The following AGAP1 variants were observed in gnomAD, a reference collection of about 807,000 sequenced individuals.
AGAP1 encodes the protein ArfGAP with GTPase domain, ankyrin repeat and PH domain 1, also known as arf-GAP with GTPase, ANK repeat and PH domain-containing protein 1.
In AGAP1, 29 loss-of-function variants were observed where a neutral mutation model predicts 105.3. That is an observed-to-expected ratio of 0.28 (90% CI 0.21 to 0.38). The LOEUF is 0.38. Ranked by LOEUF, AGAP1 falls within the 10% of genes least tolerant of loss-of-function variation. The probability of loss-of-function intolerance (pLI) is 1.00; values close to 1 mark genes in which losing one functional copy is unlikely to be tolerated. For missense variants in AGAP1, 998 were observed against 1,165.1 expected (o/e 0.86, Z 2.09); for synonymous variants, 509 against 485.9 (o/e 1.05, Z -0.63).
At chr2:235,898,020 C>A (rs1164893065) in intron 10 of AGAP1, among the ~76,000 whole-genome samples, 1 of 152,116 alleles carries the variant, frequency 6.6e-6, no homozygotes, top group African/African-American at 2.4e-5. Context: ...AGCTGCAGCC[C>A]CCTCGATGGC....
intron 16 of AGAP1, among the ~76,000 whole-genome samples, chr2:236,054,543 C>T (rs1269779892): frequency 2.6e-5 from 4 of 151,630 alleles, no homozygotes; most frequent in African/African-American, 9.7e-5. Context: ...AGGACTTTGC[C>T]GCGATGACCA....
At chr2:236,100,440 C>T (rs1446209083) in intron 16 of AGAP1, among the ~76,000 whole-genome samples, 1 of 152,154 alleles carries the variant, frequency 6.6e-6, no homozygotes, top group African/African-American at 2.4e-5. Flanking sequence ...TCATTCTCAT[C>T]AGCTTCCCAG....
rs578090584 is a variant in AGAP1 at position 235,867,922 on chromosome 2, G to A, written c.1051-15423G>A. 6.6e-5 allele frequency among the ~76,000 whole-genome samples: 10 copies of A among 152,166 alleles called. No individual in the cohort carries two copies. Among genetic ancestry groups the A allele is most frequent in the African/African-American group, 2.4e-4 (10 of 41,510 alleles). ...CTCTAGTTTTATTGAGGTCAGTTTG[G>A]TTCCTGTCAGCCACAGTTTTAATAC... On this transcript the variant is annotated intron_variant, in intron 9 of 17. Transcript: ENST00000304032. This position sits in a 1 kb window ranked among gnomAD's most constrained non-coding sequence, Gnocchi z 5.4.
Position 236,130,335 on chromosome 2 carries a change from C to T in AGAP1, c.*6213C>T, listed in dbSNP as rs1052485890. On this transcript the variant is annotated 3_prime_UTR_variant, in exon 18 of 18. Transcript: ENST00000304032. The surrounding 1 kb of genome is among the most constrained non-coding windows in gnomAD (Gnocchi z 5.8). ...GATAGAGACTCCTTGTCGAAGTCCA[C>T]ATCGGACTGATCTAGAATGCCCCGT... is the stretch of plus-strand genomic sequence containing the variant. 2.6e-5 allele frequency: 4 copies of T among 151,938 alleles called. No individual in the cohort carries two copies. The highest frequency in any genetic ancestry group is 5.9e-5 in the Non-Finnish European group (4 of 67,996). The allele number at this position is 151,938 out of a possible 1,614,324, so 9.4% of individuals were successfully genotyped here. A position where few individuals can be genotyped will look rare whatever the true frequency, so the allele number is the denominator to read the frequency against.
In AGAP1 at chr2:235,559,994, A is replaced by G. The variant is rs1451492401; in HGVS notation, c.163+65145A>G. ...TACTAAAGCTTTTAATTTTAATGAA[A>G]TCTAATTTACCTGTTTTTTCTTTGA... On this transcript the variant is annotated intron_variant, in intron 1 of 17. Transcript: ENST00000304032. The surrounding 1 kb of genome is among the most constrained non-coding windows in gnomAD (Gnocchi z 5.7). 1.3e-5 allele frequency among the ~76,000 whole-genome samples: 2 copies of G among 152,076 alleles called. No individual in the cohort carries two copies. Among genetic ancestry groups the G allele is most frequent in the Admixed American group, 6.5e-5 (1 of 15,270 alleles).
In AGAP1 at chr2:235,953,115, A is replaced by G. The variant is rs2053809446; in HGVS notation, c.1484-15347A>G. Among the ~76,000 whole-genome samples the G allele has an allele frequency of 6.6e-6, 1 of 152,220 alleles. No homozygotes were observed. The highest frequency in any genetic ancestry group is 2.4e-5 in the African/African-American group (1 of 41,472). ...CTCCAATAAAGGCTTGGGAGTCGCA[A>G]GGATCCCTTTTCATAATGAAACTTC... On this transcript the variant is annotated intron_variant, in intron 12 of 17. Transcript: ENST00000304032. The surrounding 1 kb of genome is among the most constrained non-coding windows in gnomAD (Gnocchi z 5.2).
Position 235,919,979 on chromosome 2 carries a change from G to C in AGAP1, c.1325-10786G>C, listed in dbSNP as rs1249164300. ...TGGAGCAGCACGTGTTCCTTCAGCA[G>C]ATAAAAATGGCAAAATGAGAATGGC... On this transcript the variant is annotated intron_variant, in intron 11 of 17. Coordinates refer to ENST00000304032, the MANE Select transcript of AGAP1 (RefSeq NM_001037131.3). This position sits in a 1 kb window ranked among gnomAD's most constrained non-coding sequence, Gnocchi z 4.1. Among the ~76,000 whole-genome samples the C allele has an allele frequency of 2.0e-5, 3 of 152,186 alleles. No homozygotes were observed. The highest frequency in any genetic ancestry group is 7.2e-5 in the African/African-American group (3 of 41,442).
intron 9 of AGAP1, among the ~76,000 whole-genome samples, chr2:235,807,572 G>A (rs1957902067): frequency 6.6e-6 from 1 of 152,366 alleles, no homozygotes; most frequent in Middle Eastern, 3.4e-3. Context: ...TGCATATGGA[G>A]TGCGTTTCCA....
chr2:236,071,726 T>G (rs1188989381), intron 16 of AGAP1, among the ~76,000 whole-genome samples: 1 of 152,126 alleles, frequency 6.6e-6, no homozygotes, highest in Non-Finnish European at 1.5e-5. Context: ...ATAACAGAAA[T>G]GAAGAAGGAA....
intron 13 of AGAP1, among the ~76,000 whole-genome samples, chr2:235,995,672 A>C (rs1475215378): frequency 6.6e-6 from 1 of 152,190 alleles, no homozygotes; most frequent in Non-Finnish European, 1.5e-5. Flanking sequence ...CGATTCTGCC[A>C]TCAAGAAAGC....
rs2054187587 is a variant in AGAP1 at position 235,961,587 on chromosome 2, T to C, written c.1484-6875T>C. Among the ~76,000 whole-genome samples, 2 of 151,974 alleles carry C rather than the reference T, an allele frequency of 1.3e-5. No homozygotes were observed. Among genetic ancestry groups the C allele is most frequent in the Non-Finnish European group, 2.9e-5 (2 of 67,992 alleles). On this transcript the variant is annotated intron_variant, in intron 12 of 17. Coordinates refer to ENST00000304032, the MANE Select transcript of AGAP1 (RefSeq NM_001037131.3). This position sits in a 1 kb window ranked among gnomAD's most constrained non-coding sequence, Gnocchi z 5.9. ...GAGTCAAATGTCCAGGGTGGAGGTG[T>C]GCGGCCAAGGGAGAGTTGTGTTAAA...
intron 2 of AGAP1, among the ~76,000 whole-genome samples, chr2:235,709,473 CAT>C (rs1420221060): frequency 1.3e-5 from 2 of 152,146 alleles, no homozygotes; most frequent in Non-Finnish European, 2.9e-5. Context: ...GGCGGTGTCT[CAT>C]GTGCAGGGCA....
At position 235,633,815 on chromosome 2, in the gene AGAP1, A is replaced by G. The variant is rs1199793741; in HGVS notation, c.164-75364A>G. Among the ~76,000 whole-genome samples, 13 of 152,128 alleles carry G rather than the reference A, an allele frequency of 8.5e-5. No individual in the cohort carries two copies. Among genetic ancestry groups the G allele is most frequent in the Non-Finnish European group, 1.3e-4 (9 of 68,014 alleles). ...TAGGCTTATGGCTAGCTTTGGGGAA[A>G]AGGGGTTTTGGTTTCTATGACCTGT... On this transcript the variant is annotated intron_variant, in intron 1 of 17. Coordinates refer to ENST00000304032, the MANE Select transcript of AGAP1 (RefSeq NM_001037131.3). This position sits in a 1 kb window ranked among gnomAD's most constrained non-coding sequence, Gnocchi z 4.8.
chr2:235,952,354 T>TA (rs1233831067), intron 12 of AGAP1, among the ~76,000 whole-genome samples: 3 of 149,756 alleles, frequency 2.0e-5, no homozygotes, highest in African/African-American at 7.6e-5. Context: ...AACATAGGTT[T>TA]TAAAAAAAAA....
Position 235,569,870 on chromosome 2 carries a change from G to T in AGAP1, c.163+75021G>T, listed in dbSNP as rs1454952277. On this transcript the variant is annotated intron_variant, in intron 1 of 17. Coordinates refer to ENST00000304032, the MANE Select transcript of AGAP1 (RefSeq NM_001037131.3). The surrounding 1 kb of genome is among the most constrained non-coding windows in gnomAD (Gnocchi z 5.9). ...GATGCTATTGTTTTTCCGATTGCTGGTCTCTTTACTTGTTTAGTGAAAACA... is the reference window on the plus strand; with the variant it reads ...GATGCTATTGTTTTTCCGATTGCTGTTCTCTTTACTTGTTTAGTGAAAACA... Among the ~76,000 whole-genome samples the T allele has an allele frequency of 6.6e-6, 1 of 152,142 alleles. No individual in the cohort carries two copies. Among genetic ancestry groups the T allele is most frequent in the Non-Finnish European group, 1.5e-5 (1 of 68,026 alleles).
intron 6 of AGAP1, among the ~76,000 whole-genome samples, chr2:235,759,446 G>C (rs941582688): frequency 1.9e-4 from 29 of 152,204 alleles, no homozygotes; most frequent in African/African-American, 6.5e-4. Context: ...TGGGATTACA[G>C]GCGTGAGCCA....
rs1313978344 is a variant in AGAP1, at chr2:235,970,882, G to GAT, written c.1645+2261_1645+2262dup. Among the ~76,000 whole-genome samples the GAT allele has an allele frequency of 6.6e-6, 1 of 152,220 alleles. No individual in the cohort carries two copies. The highest frequency in any genetic ancestry group is 1.5e-5 in the Non-Finnish European group (1 of 68,046). On this transcript the variant is annotated intron_variant, in intron 13 of 17. Transcript: ENST00000304032. This position sits in a 1 kb window ranked among gnomAD's most constrained non-coding sequence, Gnocchi z 5.4. Reference sequence around the variant, plus strand: ...GGTATGTGTGTGCGAGGCAATAGTGGATACCCAGGCTGAGACACGGGCTCT... The same window carrying GAT: ...GGTATGTGTGTGCGAGGCAATAGTGGATATACCCAGGCTGAGACACGGGCTCT...
chr2:235,715,481 C>G (rs1430922961), intron 2 of AGAP1, among the ~76,000 whole-genome samples: 1 of 152,100 alleles, frequency 6.6e-6, no homozygotes, highest in African/African-American at 2.4e-5. Context: ...GAGGGGTGCT[C>G]AGGTGACAGG....
chr2:235,902,105 G>A (rs1478846828), intron 10 of AGAP1, among the ~76,000 whole-genome samples: 1 of 151,962 alleles, frequency 6.6e-6, no homozygotes. Flanking sequence ...TATTTTTTTA[G>A]GTCTCTTTGA....
Sources: allele counts gnomAD v4.1 joint callset (sites outside exome capture counted in the v4.1 genomes callset), GRCh38; gene constraint gnomAD v4.1.1; non-coding constraint Gnocchi (gnomAD v3.1); transcripts MANE v1.5; gene names NCBI Gene and HGNC (gene_info 2026-07-23, HGNC 2026-07-21).